The following DPYD variants were observed in gnomAD, a reference collection of about 807,000 sequenced individuals.
DPYD encodes dihydropyrimidine dehydrogenase.
DPYD carries 109 observed loss-of-function variants against 116.2 expected under a neutral mutation model. The ratio of observed to expected loss-of-function variants is 0.94; its 90% confidence interval spans 0.80 to 1.10. DPYD has a LOEUF of 1.10. Ranked by LOEUF, DPYD falls within the 50% of genes least tolerant of loss-of-function variation. DPYD has a pLI of 0.00. For missense variants in DPYD, 1,302 were observed against 1,254.5 expected, an observed-to-expected ratio of 1.04 and a Z score of -0.57; for synonymous variants, 440 against 432.0, an observed-to-expected ratio of 1.02 and a Z score of -0.23.
At chr1:97,868,603 G>A (rs1671509617) in intron 2 of DPYD, among the ~76,000 whole-genome samples, 1 of 151,640 alleles carries the variant, frequency 6.6e-6, no homozygotes, top group Non-Finnish European at 1.5e-5. Context: ...AAATAATGTA[G>A]TTAGATTACC....
At chr1:97,273,845 A>G (rs527626368) in intron 18 of DPYD, among the ~76,000 whole-genome samples, 1 of 152,308 alleles carries the variant, frequency 6.6e-6, no homozygotes, top group East Asian at 1.9e-4. Context: ...TACAATTCTG[A>G]AACAAAATTA....
intron 8 of DPYD, among the ~76,000 whole-genome samples, chr1:97,612,786 C>T (rs1249498582): frequency 2.0e-5 from 3 of 151,972 alleles, no homozygotes; most frequent in African/African-American, 7.2e-5. Flanking sequence ...TTTCTTCAAT[C>T]CCTCATCCTC....
intron 1 of DPYD, among the ~76,000 whole-genome samples, chr1:97,897,632 G>T (rs888945532): frequency 6.6e-6 from 1 of 151,698 alleles, no homozygotes; most frequent in Admixed American, 6.6e-5. Flanking sequence ...CTTCTGCAGT[G>T]TCTAATCTGT....
chr1:97,478,682 G>A (rs182965064), intron 13 of DPYD, among the ~76,000 whole-genome samples: 13 of 152,286 alleles, frequency 8.5e-5, no homozygotes, highest in African/African-American at 1.9e-4. Flanking sequence ...CCCATTACAC[G>A]AGAGTTAGCA....
chr1:97,699,478 C>T lies in DPYD; in HGVS notation c.553G>A (p.Ala185Thr), dbSNP rs374531732. The change falls in exon 6 of 23, where the codon GCC becomes ACC. Residue 185 changes from alanine to threonine, a missense_variant. By Grantham distance (58) the Ala-to-Thr change is moderately conservative. Transcript: ENST00000370192. ...SLPPPEKMSE[A>T]YSAKIALFGA... is the part of the protein sequence containing the mutation. ...AAAAGAGCAATCTTTGCAGAATAGG[C>T]TTCAGACATTTTTTCTGGGGGAGGC... 21 of 1,613,444 alleles carry T rather than the reference C, an allele frequency of 1.3e-5. 1 individual carries two copies. The highest frequency in any genetic ancestry group is 1.2e-4 in the African/African-American group (9 of 74,864).
intron 18 of DPYD, among the ~76,000 whole-genome samples, chr1:97,274,438 C>T (rs1664803520): frequency 6.6e-6 from 1 of 152,208 alleles, no homozygotes; most frequent in South Asian, 2.1e-4. Context: ...TTGTTTTCCC[C>T]GATGATCAGA....
intron 8 of DPYD, among the ~76,000 whole-genome samples, chr1:97,672,537 G>A (rs1319687204): frequency 1.3e-5 from 2 of 152,090 alleles, no homozygotes; most frequent in African/African-American, 4.8e-5. Flanking sequence ...AAATACTCAA[G>A]ACTTGCTTTT....
intron 1 of DPYD, among the ~76,000 whole-genome samples, chr1:97,906,113 C>A (rs1397133330): frequency 2.0e-5 from 3 of 152,006 alleles, no homozygotes; most frequent in African/African-American, 7.2e-5. Flanking sequence ...TCACACCTGA[C>A]CCATTTCAGC....
intron 8 of DPYD, among the ~76,000 whole-genome samples, chr1:97,673,788 T>C (rs1223617358): frequency 6.6e-6 from 1 of 152,002 alleles, no homozygotes; most frequent in Non-Finnish European, 1.5e-5. Flanking sequence ...AGGGAGTAGA[T>C]CATCACAAGT....
chr1:97,645,371 C>T (rs556837709), intron 8 of DPYD, among the ~76,000 whole-genome samples: 1 of 152,200 alleles, frequency 6.6e-6, no homozygotes, highest in South Asian at 2.1e-4. Flanking sequence ...AGTTGAGCAT[C>T]TCTTCAAAAG....
rs74106640 is a variant in DPYD at position 97,099,337 on chromosome 1, G to A, written c.2623-705C>T. Among the ~76,000 whole-genome samples, 849 of 152,086 alleles carry A rather than the reference G, an allele frequency of 5.6e-3. 6 individuals carry two copies. The highest frequency in any genetic ancestry group is 0.019 in the African/African-American group (782 of 41,500). ...CCATCAGTATTCAAAATCACATCACGGAGCTTTAAATTTCAAGGTTATCCA... is the reference window on the plus strand; with the variant it reads ...CCATCAGTATTCAAAATCACATCACAGAGCTTTAAATTTCAAGGTTATCCA... On this transcript the variant is annotated intron_variant, in intron 20 of 22. Coordinates refer to ENST00000370192, the MANE Select transcript of DPYD (RefSeq NM_000110.4).
Position 97,806,426 on chromosome 1 carries a change from A to G in DPYD, c.233+21688T>C, listed in dbSNP as rs1444881908. 3.3e-5 allele frequency among the ~76,000 whole-genome samples: 5 copies of G among 152,036 alleles called. No homozygotes were observed. The East Asian group carries it at 9.6e-4, about 29-fold the overall frequency. On this transcript the variant is annotated intron_variant, in intron 3 of 22. Transcript: ENST00000370192. ...GACTAATGATGTTGAGCACACTCTCAGGTTTCTACTGGATGTGTGTATATC... is the reference window on the plus strand; with the variant it reads ...GACTAATGATGTTGAGCACACTCTCGGGTTTCTACTGGATGTGTGTATATC...
intron 5 of DPYD, among the ~76,000 whole-genome samples, chr1:97,700,537 C>A (rs996554649): frequency 2.6e-5 from 4 of 151,904 alleles, no homozygotes; most frequent in Admixed American, 2.0e-4. Context: ...TCAACTCAGC[C>A]CTGGATTTAA....
intron 18 of DPYD, among the ~76,000 whole-genome samples, chr1:97,290,745 C>G (rs1309791569): frequency 2.0e-5 from 3 of 151,760 alleles, no homozygotes; most frequent in Non-Finnish European, 3.0e-5. Flanking sequence ...AGAACAAAAC[C>G]TAGGCATTAC....
intron 5 of DPYD, among the ~76,000 whole-genome samples, chr1:97,704,929 T>A (rs1163617608): frequency 6.6e-6 from 1 of 152,046 alleles, no homozygotes; most frequent in Non-Finnish European, 1.5e-5. Flanking sequence ...TTAATATGTA[T>A]TTCCCCACAA....
intron 3 of DPYD, among the ~76,000 whole-genome samples, chr1:97,754,818 T>A (rs6604873): frequency 1 from 151,632 of 152,346 alleles, 75,461 homozygotes; most frequent in Middle Eastern, 1. Flanking sequence ...TTTCTTCAAT[T>A]AAAACCCTAG....
At chr1:97,424,873 A>C (rs965022883) in intron 14 of DPYD, among the ~76,000 whole-genome samples, 10 of 152,084 alleles carry the variant, frequency 6.6e-5, no homozygotes, top group Non-Finnish European at 1.0e-4. Context: ...GACCATTGTC[A>C]GCTTCTCACA....
At chr1:97,722,135 G>A (rs527465605) in intron 4 of DPYD, among the ~76,000 whole-genome samples, 10 of 151,556 alleles carry the variant, frequency 6.6e-5, no homozygotes, top group African/African-American at 2.4e-4. Flanking sequence ...CATTATTTTT[G>A]GAACATATTA....
At chr1:97,108,034 T>A (rs1297830303) in intron 20 of DPYD, among the ~76,000 whole-genome samples, 1 of 152,062 alleles carries the variant, frequency 6.6e-6, no homozygotes, top group African/African-American at 2.4e-5. Context: ...TGAGCTCAAG[T>A]TAATACAGGT....
Sources: allele counts gnomAD v4.1 joint callset (sites outside exome capture counted in the v4.1 genomes callset), GRCh38; gene constraint gnomAD v4.1.1; transcripts MANE v1.5; gene names NCBI Gene and HGNC (gene_info 2026-07-23, HGNC 2026-07-21).